KAZN: variants seen among roughly 807,000 people sequenced by gnomAD.
KAZN encodes the protein kazrin, periplakin interacting protein.
Under a neutral mutation model 87.4 loss-of-function variants are expected in KAZN, and 40 were observed. The ratio of observed to expected loss-of-function variants is 0.46; its 90% CI spans 0.36 to 0.60. The LOEUF is 0.60. KAZN is among the 20% of genes least tolerant of loss of function. The pLI is 0.00. For synonymous variants in KAZN, 466 were observed against 458.3 expected (o/e 1.02, Z -0.22); for missense variants, 898 against 1,073.9 (o/e 0.84, Z 2.29).
At chr1:14,227,468 G>A (rs1037596351) in intron 2 of KAZN, among the ~76,000 whole-genome samples, 4 of 152,170 alleles carry the variant, frequency 2.6e-5, no homozygotes, top group Admixed American at 2.6e-4. Flanking sequence ...GAGGGTTGCA[G>A]ACAGGACTCA....
intron 2 of KAZN, among the ~76,000 whole-genome samples, chr1:14,469,661 A>T (rs909432835): frequency 4.6e-5 from 7 of 152,210 alleles, no homozygotes; most frequent in African/African-American, 1.7e-4. Context: ...TTTTGGTCTC[A>T]TGGGCAGGAA....
chr1:15,050,058 GGGT>G (rs1674148053), intron 4 of KAZN, among the ~76,000 whole-genome samples: 1 of 77,498 alleles, frequency 1.3e-5, no homozygotes, highest in African/African-American at 8.1e-5. Flanking sequence ...GGGTAGGGTA[GGGT>G]AGGGTAGAGT....
chr1:14,759,128 A>C (rs2100534711), intron 1 of KAZN, among the ~76,000 whole-genome samples: 1 of 152,182 alleles, frequency 6.6e-6, no homozygotes, highest in East Asian at 1.9e-4. Context: ...GTCTTGTTAG[A>C]CTTTAAATAA....
At chr1:13,928,794 T>G (rs1640384781) in intron 1 of KAZN, among the ~76,000 whole-genome samples, 1 of 152,176 alleles carries the variant, frequency 6.6e-6, no homozygotes, top group Admixed American at 6.5e-5. Flanking sequence ...ATCTTTAATT[T>G]TGCTGAGTAC....
chr1:14,397,074 G>T (rs1449666138), intron 2 of KAZN, among the ~76,000 whole-genome samples: 1 of 152,132 alleles, frequency 6.6e-6, no homozygotes, highest in Non-Finnish European at 1.5e-5. Flanking sequence ...ATGTATCTTT[G>T]TAAGACTGAA....
chr1:14,896,778 T>C (rs1655326232), intron 1 of KAZN, among the ~76,000 whole-genome samples: 1 of 152,196 alleles, frequency 6.6e-6, no homozygotes, highest in Non-Finnish European at 1.5e-5. Context: ...TCTGTTGTGA[T>C]CTGGGTTCTA....
intron 1 of KAZN, among the ~76,000 whole-genome samples, chr1:14,645,594 T>G (rs1487958101): frequency 6.6e-6 from 1 of 152,222 alleles, no homozygotes; most frequent in Non-Finnish European, 1.5e-5. Flanking sequence ...GTACATTGAT[T>G]TTGTATCCTG....
intron 1 of KAZN, among the ~76,000 whole-genome samples, chr1:14,100,395 C>T (rs2101642442): frequency 6.6e-6 from 1 of 152,216 alleles, no homozygotes. Context: ...CTTACAGGAC[C>T]CAGCGCACAG....
chr1:14,199,549 C>G (rs562928310), intron 2 of KAZN, among the ~76,000 whole-genome samples: 3 of 152,344 alleles, frequency 2.0e-5, no homozygotes, highest in African/African-American at 7.2e-5. Flanking sequence ...GTTGCACCCT[C>G]CTTGAGTGCA....
At chr1:14,216,941 T>C (rs1259766838) in intron 2 of KAZN, among the ~76,000 whole-genome samples, 1 of 152,120 alleles carries the variant, frequency 6.6e-6, no homozygotes, top group Non-Finnish European at 1.5e-5. Flanking sequence ...AAATTTTACA[T>C]AGAAATGGGC....
chr1:14,330,019 A>G (rs1468918475), intron 2 of KAZN, among the ~76,000 whole-genome samples: 1 of 152,202 alleles, frequency 6.6e-6, no homozygotes, highest in Non-Finnish European at 1.5e-5. Context: ...GCCAATTCAG[A>G]ACACCTGGAA....
intron 1 of KAZN, among the ~76,000 whole-genome samples, chr1:14,678,639 C>T (rs189119411): frequency 6.6e-6 from 1 of 152,296 alleles, no homozygotes; most frequent in East Asian, 1.9e-4. Context: ...GCTCCAGCTC[C>T]CATGGGCTGT....
At chr1:14,631,704 G>A (rs577676049) in intron 1 of KAZN, among the ~76,000 whole-genome samples, 1 of 152,360 alleles carries the variant, frequency 6.6e-6, no homozygotes, top group South Asian at 2.1e-4. Context: ...GAGCACATGA[G>A]CCTTCATCCT....
At chr1:14,385,903 G>A (rs201011992) in intron 2 of KAZN, among the ~76,000 whole-genome samples, 14,933 of 146,726 alleles carry the variant, frequency 0.1, 909 homozygotes, top group East Asian at 0.21. Context: ...GTCTGATGTT[G>A]ACAGTGGGGT....
chr1:14,000,460 A>C (rs1570491834), intron 1 of KAZN, among the ~76,000 whole-genome samples: 1 of 152,236 alleles, frequency 6.6e-6, no homozygotes, highest in Non-Finnish European at 1.5e-5. Flanking sequence ...TGATTATTTC[A>C]ATAGAGGCAG....
chr1:14,626,326 A>C (rs1679137154), intron 1 of KAZN, among the ~76,000 whole-genome samples: 1 of 152,256 alleles, frequency 6.6e-6, no homozygotes, highest in South Asian at 2.1e-4. Flanking sequence ...TTCAGCCATT[A>C]GCTGGTAAAG....
chr1:14,088,193 G>T (rs1643897158), intron 1 of KAZN, among the ~76,000 whole-genome samples: 1 of 151,328 alleles, frequency 6.6e-6, no homozygotes. Flanking sequence ...TTTAATTTTT[G>T]CATCTTTTTC....
chr1:14,460,236 T>C (rs1347011566), intron 2 of KAZN, among the ~76,000 whole-genome samples: 2 of 152,222 alleles, frequency 1.3e-5, no homozygotes, highest in Non-Finnish European at 2.9e-5. Flanking sequence ...ATAGTTCCCC[T>C]CTGACTTTTC....
chr1:14,423,858 G>A (rs1482046198), intron 2 of KAZN, among the ~76,000 whole-genome samples: 1 of 152,214 alleles, frequency 6.6e-6, no homozygotes, highest in Non-Finnish European at 1.5e-5. Flanking sequence ...GCAGTCACTA[G>A]AGACAATGTA....
Sources: allele counts gnomAD v4.1 joint callset (sites outside exome capture counted in the v4.1 genomes callset), GRCh38; gene constraint gnomAD v4.1.1; transcripts MANE v1.5; gene names NCBI Gene and HGNC (gene_info 2026-07-23, HGNC 2026-07-21).